The following CAST variants were observed in gnomAD, a reference collection of about 807,000 sequenced individuals.
The protein encoded by CAST is calpastatin, also known as MIR583 host.
Under a neutral mutation model 119.6 loss-of-function variants are expected in CAST, and 76 were observed. The ratio of observed to expected loss-of-function variants is 0.64; its 90% CI spans 0.53 to 0.77. The LOEUF (loss-of-function observed/expected upper bound fraction) is 0.77, where lower values mean the gene tolerates loss of function less well. Ranked by LOEUF, CAST falls within the 30% of genes least tolerant of loss-of-function variation. The pLI is 0.00. For missense variants in CAST, 953 were observed against 946.5 expected, an observed-to-expected ratio of 1.01 and a Z score of -0.09; for synonymous variants, 319 against 331.6, an observed-to-expected ratio of 0.96 and a Z score of 0.41.
the CAST span, among the ~76,000 whole-genome samples, chr5:95,985,898 G>A: frequency 1.3e-5 from 2 of 152,130 alleles, no homozygotes; most frequent in Non-Finnish European, 2.9e-5. Flanking sequence ...TTTTTCTGCC[G>A]TTATTTTCTT....
At chr5:96,726,157 C>G (rs1218728485) in intron 4 of CAST, among the ~76,000 whole-genome samples, 1 of 152,190 alleles carries the variant, frequency 6.6e-6, no homozygotes, top group Non-Finnish European at 1.5e-5. Flanking sequence ...TAATCTCTGA[C>G]TGAAAAGTTC....
intron 10 of CAST, among the ~76,000 whole-genome samples, chr5:96,736,838 C>A (rs779379985): frequency 6.6e-6 from 1 of 152,078 alleles, no homozygotes; most frequent in African/African-American, 2.4e-5. Context: ...TTATATTAGT[C>A]CATGTTTACA....
At chr5:96,312,522 A>C in the CAST span, among the ~76,000 whole-genome samples, 3 of 152,124 alleles carry the variant, frequency 2.0e-5, no homozygotes, top group African/African-American at 4.8e-5. Context: ...AGGCTGTCAA[A>C]ACAAGGAAGA....
In CAST at chr5:96,534,798, AAAG is replaced by A. The variant is rs1338879355; in HGVS notation, c.60+4924_60+4926del. 6.3e-4 allele frequency among the ~76,000 whole-genome samples: 78 copies of A among 122,922 alleles called. 1 individual carries two copies. The highest frequency in any genetic ancestry group is 6.1e-4 in the African/African-American group (20 of 33,020). 80.6% of individuals were successfully genotyped at this position (122,922 alleles called of 152,430 possible). Reference sequence around the variant, plus strand: ...GAAAGAAAGAAAGAAAGAAAGAAAGAAAGAAGAAAGAAAGAAAGAAAGAAAAGA... The same window carrying A: ...GAAAGAAAGAAAGAAAGAAAGAAAGAAAGAAAGAAAGAAAGAAAGAAAAGA... On this transcript the variant is annotated intron_variant, in intron 1 of 11. Transcript: ENST00000505143.
At chr5:96,181,625 G>C in the CAST span, among the ~76,000 whole-genome samples, 1 of 152,188 alleles carries the variant, frequency 6.6e-6, no homozygotes, top group Non-Finnish European at 1.5e-5. Context: ...GGTAGAAACA[G>C]ATTTAGGAAG....
At chr5:96,412,036 T>C in the CAST span, among the ~76,000 whole-genome samples, 1 of 152,208 alleles carries the variant, frequency 6.6e-6, no homozygotes, top group Non-Finnish European at 1.5e-5. Flanking sequence ...AATTTTTGTG[T>C]TTTTAGTAGA....
At chr5:95,982,357 T>C in the CAST span, among the ~76,000 whole-genome samples, 2 of 152,240 alleles carry the variant, frequency 1.3e-5, no homozygotes, top group African/African-American at 4.8e-5. Context: ...TTTTATTCCA[T>C]GTATAGATTT....
At chr5:96,170,084 G>A in the CAST span, among the ~76,000 whole-genome samples, 1 of 152,204 alleles carries the variant, frequency 6.6e-6, no homozygotes, top group Non-Finnish European at 1.5e-5. Context: ...TCCACTGTGA[G>A]AGTTACCCAA....
intron 1 of CAST, among the ~76,000 whole-genome samples, chr5:96,596,863 T>C (rs1269823506): frequency 6.6e-6 from 1 of 152,330 alleles, no homozygotes; most frequent in South Asian, 2.1e-4. Flanking sequence ...TGACTTGTGT[T>C]TGGTGATTTT....
At chr5:96,701,133 G>A (rs923965044) in intron 3 of CAST, among the ~76,000 whole-genome samples, 1 of 152,028 alleles carries the variant, frequency 6.6e-6, no homozygotes, top group Non-Finnish European at 1.5e-5. Context: ...TCACCATGTT[G>A]CCCAGGCTGG....
chr5:96,351,199 T>C, the CAST span, among the ~76,000 whole-genome samples: 1 of 152,292 alleles, frequency 6.6e-6, no homozygotes, highest in South Asian at 2.1e-4. Flanking sequence ...ATCATAACTC[T>C]GTAGTTGAGT....
At chr5:96,483,297 C>T in the CAST span, among the ~76,000 whole-genome samples, 1 of 152,102 alleles carries the variant, frequency 6.6e-6, no homozygotes, top group African/African-American at 2.4e-5. Context: ...CAAACATCAA[C>T]AAATAAGAAC....
chr5:96,613,330 A>C (rs974459683), intron 1 of CAST, among the ~76,000 whole-genome samples: 5 of 152,182 alleles, frequency 3.3e-5, no homozygotes, highest in African/African-American at 1.2e-4. Context: ...CTCTCCTTTC[A>C]TTTAAGTATT....
intron 1 of CAST, among the ~76,000 whole-genome samples, chr5:96,588,098 G>C (rs1434512432): frequency 6.6e-6 from 1 of 151,412 alleles, no homozygotes; most frequent in African/African-American, 2.4e-5. Flanking sequence ...ATAGTTTCTA[G>C]GGTGTTATTA....
At chr5:96,016,152 G>T in the CAST span, among the ~76,000 whole-genome samples, 2 of 152,220 alleles carry the variant, frequency 1.3e-5, no homozygotes, top group Non-Finnish European at 2.9e-5. Context: ...TGCCCTTCAT[G>T]ATGGCCTATC....
chr5:96,444,847 C>G, the CAST span, among the ~76,000 whole-genome samples: 1 of 152,054 alleles, frequency 6.6e-6, no homozygotes, highest in Admixed American at 6.5e-5. Flanking sequence ...ATGGTAAAGA[C>G]ATTCCTCCAA....
chr5:96,408,083 C>T, the CAST span: 19 of 699,684 alleles, frequency 2.7e-5, no homozygotes, highest in South Asian at 9.0e-5. Context: ...TTAGTGACCT[C>T]GAAGTGGCAG....
the CAST span, among the ~76,000 whole-genome samples, chr5:96,155,275 A>T: frequency 6.6e-6 from 1 of 152,172 alleles, no homozygotes; most frequent in Non-Finnish European, 1.5e-5. Context: ...GTAGGCAGGG[A>T]TAATGGCAGC....
chr5:96,406,705 C>T, the CAST span, among the ~76,000 whole-genome samples: 3 of 152,262 alleles, frequency 2.0e-5, no homozygotes, highest in Non-Finnish European at 2.9e-5. Flanking sequence ...TCTGTTATTA[C>T]GAACTGAGTC....
Sources: allele counts gnomAD v4.1 joint callset (sites outside exome capture counted in the v4.1 genomes callset), GRCh38; gene constraint gnomAD v4.1.1; transcripts MANE v1.5; gene names NCBI Gene and HGNC (gene_info 2026-07-23, HGNC 2026-07-21).